DSCAM: variants seen among roughly 807,000 people sequenced by gnomAD.
The protein encoded by DSCAM is DS cell adhesion molecule.
DSCAM carries 47 observed loss-of-function variants against 217.7 expected under a neutral mutation model. The observed-to-expected ratio is 0.22, with a 90% CI of 0.17 to 0.28. The LOEUF (loss-of-function observed/expected upper bound fraction) is 0.28, where lower values mean the gene tolerates loss of function less well. Among genes scored for constraint, DSCAM ranks in the 10% least tolerant of loss-of-function variants. The pLI is 1.00. For synonymous variants in DSCAM, 1,056 were observed against 1,015.3 expected (o/e 1.04, Z -0.76); for missense variants, 2,080 against 2,618.3 (o/e 0.79, Z 4.49).
At position 40,212,498 on chromosome 21, in the gene DSCAM, C is replaced by T. The variant is rs549095111; in HGVS notation, c.2357-23260G>A. 1.6e-3 allele frequency: 244 copies of T among 154,150 alleles called. 2 individuals are homozygous for T. Among genetic ancestry groups the T allele is most frequent in the South Asian group, 0.014 (69 of 4,894 alleles). 9.5% of individuals were successfully genotyped at this position (154,150 alleles called of 1,614,324 possible). On this transcript the variant is annotated intron_variant, in intron 11 of 32. Coordinates refer to ENST00000400454, the MANE Select transcript of DSCAM (RefSeq NM_001389.5). ...TGGACAGTACATCCTTTCCCAGTAA[C>T]GAGATGACACACCCCTGTGCATATT...
At chr21:40,126,450 A>G (rs370584973) in intron 19 of DSCAM, among the ~76,000 whole-genome samples, 3 of 152,216 alleles carry the variant, frequency 2.0e-5, no homozygotes, top group African/African-American at 7.2e-5. Flanking sequence ...TTGCAAACAG[A>G]TCGTTGGTAA....
chr21:40,088,382 T>C lies in DSCAM; in HGVS notation c.3851-1095A>G, dbSNP rs188596314. ...TCCCCCAGGGAAGCTCTAGAATCCC[T>C]GGAAGGGCAGAGTACCCAGAGCCAA... On this transcript the variant is annotated intron_variant, in intron 21 of 32. Transcript: ENST00000400454. Among the ~76,000 whole-genome samples the C allele has an allele frequency of 7.1e-4, 108 of 152,280 alleles. 2 individuals are homozygous for C. In the East Asian group the frequency reaches 0.02, roughly 28 times the overall value.
intron 3 of DSCAM, among the ~76,000 whole-genome samples, chr21:40,405,258 G>A (rs2075270669): frequency 6.6e-6 from 1 of 152,238 alleles, no homozygotes; most frequent in Non-Finnish European, 1.5e-5. Flanking sequence ...ACTGGGATCA[G>A]AGCAGCCATC....
chr21:40,068,638 C>A (rs760625511), intron 27 of DSCAM, among the ~76,000 whole-genome samples: 1 of 152,064 alleles, frequency 6.6e-6, no homozygotes, highest in Non-Finnish European at 1.5e-5. Flanking sequence ...GATGAGACAA[C>A]CTGTTTCTTA....
intron 20 of DSCAM, 152 bp downstream of exon 20, chr21:40,124,043 T>C: frequency 9.9e-7 from 1 of 1,009,648 alleles, no homozygotes. Context: ...AAATGAGGAC[T>C]TTGTTTTGTA....
intron 9 of DSCAM, among the ~76,000 whole-genome samples, chr21:40,310,960 T>TA (rs887535846): frequency 4.6e-5 from 7 of 152,138 alleles, no homozygotes; most frequent in African/African-American, 1.4e-4. Flanking sequence ...TTTTCAGAAA[T>TA]ACAAAGTTAG....
At chr21:40,845,540 CCTCTCT>C (rs71332310) in intron 1 of DSCAM, among the ~76,000 whole-genome samples, 2,189 of 138,912 alleles carry the variant, frequency 0.016, 33 homozygotes, top group African/African-American at 0.029. Context: ...CTCTTCTTCT[CCTCTCT>C]CTCTCTCTCT....
intron 3 of DSCAM, among the ~76,000 whole-genome samples, chr21:40,689,446 T>C (rs2090516569): frequency 6.6e-6 from 1 of 152,224 alleles, no homozygotes; most frequent in Non-Finnish European, 1.5e-5. Context: ...CGTTGGGCCA[T>C]GGCCTGTGAA....
intron 18 of DSCAM, among the ~76,000 whole-genome samples, chr21:40,134,348 C>A (rs2090185636): frequency 6.6e-6 from 1 of 152,182 alleles, no homozygotes; most frequent in Non-Finnish European, 1.5e-5. Flanking sequence ...GCAATGTCCC[C>A]TGCACCCCTA....
At chr21:40,248,823 G>A (rs1023378347) in intron 11 of DSCAM, among the ~76,000 whole-genome samples, 5 of 152,182 alleles carry the variant, frequency 3.3e-5, no homozygotes, top group Admixed American at 2.0e-4. Flanking sequence ...CTGAGACTGG[G>A]AAGAAAAAGA....
rs749591666 is a variant in DSCAM at position 40,013,158 on chromosome 21, G to A, written c.5915C>T (p.Pro1972Leu). The A allele has an allele frequency of 1.6e-5, 26 of 1,613,730 alleles. No individual in the cohort carries two copies. Among genetic ancestry groups the A allele is most frequent in the Non-Finnish European group, 2.0e-5 (24 of 1,179,822 alleles). ...SWQPGAVATL[P>L]QREGAELGQA... Reference sequence around the variant, plus strand: ...TCCCAGCTCTGCTCCCTCCCGCTGAGGTAATGTGGCCACGGCCCCCGGCTG... The same window carrying A: ...TCCCAGCTCTGCTCCCTCCCGCTGAAGTAATGTGGCCACGGCCCCCGGCTG... The change falls in exon 33 of 33, where the codon CCT (proline) becomes CTT (leucine). Residue 1972 changes from proline to leucine, a missense_variant. Physicochemically the swap from Pro to Leu is moderately conservative, Grantham distance 98. Coordinates refer to ENST00000400454, the MANE Select transcript of DSCAM (RefSeq NM_001389.5).
At chr21:40,676,472 G>A (rs536567400) in intron 3 of DSCAM, among the ~76,000 whole-genome samples, 1 of 152,350 alleles carries the variant, frequency 6.6e-6, no homozygotes, top group East Asian at 1.9e-4. Flanking sequence ...TCTACTTAGC[G>A]ATGGAATTGT....
At chr21:40,392,257 G>A (rs1212810650) in intron 3 of DSCAM, among the ~76,000 whole-genome samples, 2 of 152,056 alleles carry the variant, frequency 1.3e-5, no homozygotes, top group South Asian at 2.1e-4. Context: ...TTATGTACAG[G>A]TATTAAGAAT....
intron 15 of DSCAM, among the ~76,000 whole-genome samples, chr21:40,167,983 T>C (rs986289733): frequency 2.8e-4 from 42 of 152,060 alleles, no homozygotes; most frequent in African/African-American, 9.9e-4. Flanking sequence ...ATTGCTTGAA[T>C]CCAGGAGGCA....
Position 40,678,210 on chromosome 21 carries a change from T to C in DSCAM, c.508+14600A>G, listed in dbSNP as rs1410452606. Among the ~76,000 whole-genome samples, 5 of 152,334 alleles carry C rather than the reference T, an allele frequency of 3.3e-5. No homozygotes were observed. The East Asian group carries it at 9.6e-4, about 29-fold the overall frequency. ...CTACTGATTATAATTAGGTTATATC[T>C]GGCGTGTTTCTATCTCTTTTGTGTC... On this transcript the variant is annotated intron_variant, in intron 3 of 32. Transcript: ENST00000400454.
intron 19 of DSCAM, among the ~76,000 whole-genome samples, chr21:40,132,671 G>T (rs558935088): frequency 6.6e-6 from 1 of 152,208 alleles, no homozygotes; most frequent in Admixed American, 6.5e-5. Flanking sequence ...GGGGCTGCTC[G>T]GAGGAGCAAG....
chr21:40,218,891 A>T (rs1382086707), intron 11 of DSCAM, among the ~76,000 whole-genome samples: 1 of 152,174 alleles, frequency 6.6e-6, no homozygotes, highest in East Asian at 1.9e-4. Flanking sequence ...TTTTGGGCTG[A>T]GACTATGAAG....
chr21:40,677,665 A>G (rs2090356122), intron 3 of DSCAM, among the ~76,000 whole-genome samples: 1 of 152,250 alleles, frequency 6.6e-6, no homozygotes, highest in East Asian at 1.9e-4. Context: ...CTAAACCTCA[A>G]TGTGATGCTA....
chr21:40,800,089 A>G (rs1449243919), intron 1 of DSCAM, among the ~76,000 whole-genome samples: 1 of 152,216 alleles, frequency 6.6e-6, no homozygotes, highest in Non-Finnish European at 1.5e-5. Context: ...GACTTGAACA[A>G]TAACTAAGCA....
Sources: allele counts gnomAD v4.1 joint callset (sites outside exome capture counted in the v4.1 genomes callset), GRCh38; gene constraint gnomAD v4.1.1; transcripts MANE v1.5; gene names NCBI Gene and HGNC (gene_info 2026-07-23, HGNC 2026-07-21).